The following KIAA1328 variants were observed in gnomAD, a reference collection of about 807,000 sequenced individuals.
The protein encoded by KIAA1328 is protein hinderin.
Under a neutral mutation model 68.1 loss-of-function variants are expected in KIAA1328, and 52 were observed. The observed-to-expected ratio is 0.76, with a 90% confidence interval of 0.61 to 0.96. The LOEUF is 0.96. Ranked by LOEUF, KIAA1328 falls within the 40% of genes least tolerant of loss-of-function variation. KIAA1328 has a pLI of 0.00. For synonymous variants in KIAA1328, 232 were observed against 239.4 expected (o/e 0.97, Z 0.28); for missense variants, 641 against 677.6 (o/e 0.95, Z 0.60).
chr18:37,042,175 G>C (rs1393004267), intron 6 of KIAA1328, among the ~76,000 whole-genome samples: 1 of 152,148 alleles, frequency 6.6e-6, no homozygotes. Context: ...TGGGATTGCA[G>C]GGATGAGCCA....
At chr18:36,954,975 G>A (rs1160600786) in intron 5 of KIAA1328, among the ~76,000 whole-genome samples, 1 of 152,088 alleles carries the variant, frequency 6.6e-6, no homozygotes, top group Non-Finnish European at 1.5e-5. Context: ...GGGATTACAG[G>A]TGTGACTTGG....
At chr18:37,073,528 T>C (rs530138058) in intron 7 of KIAA1328, among the ~76,000 whole-genome samples, 36 of 152,356 alleles carry the variant, frequency 2.4e-4, no homozygotes, top group Admixed American at 6.5e-5. Context: ...GTTTAGGCTT[T>C]TTTGTGTATA....
intron 7 of KIAA1328, among the ~76,000 whole-genome samples, chr18:37,090,991 A>T (rs1333949414): frequency 1.3e-5 from 2 of 152,198 alleles, no homozygotes; most frequent in African/African-American, 4.8e-5. Context: ...GAAGATGATG[A>T]ATACGAAGTA....
chr18:36,961,453 G>A (rs928336729), intron 6 of KIAA1328, among the ~76,000 whole-genome samples: 1 of 152,042 alleles, frequency 6.6e-6, no homozygotes, highest in Non-Finnish European at 1.5e-5. Context: ...TCAAATTCAG[G>A]AAATACAGAG....
intron 6 of KIAA1328, among the ~76,000 whole-genome samples, chr18:36,990,671 A>AATAT (rs149879506): frequency 3.4e-4 from 50 of 146,812 alleles, no homozygotes; most frequent in African/African-American, 6.0e-4. Context: ...ACTCCGTCTA[A>AATAT]ATATATATAT....
In KIAA1328 at chr18:36,945,796, A is replaced by G. The variant is rs777920186; in HGVS notation, c.449-13512A>G. ...ATGAGTATCTTTTTGGAAATAGAAGAGAGAGGGTGTGGTTGTTTCCTTCTC... is the reference window on the plus strand; with the variant it reads ...ATGAGTATCTTTTTGGAAATAGAAGGGAGAGGGTGTGGTTGTTTCCTTCTC... On this transcript the variant is annotated intron_variant, in intron 5 of 9. Transcript: ENST00000280020. Among the ~76,000 whole-genome samples the G allele has an allele frequency of 3.8e-4, 58 of 152,316 alleles. 1 individual carries two copies. Among genetic ancestry groups the G allele is most frequent in the Middle Eastern group, 3.4e-3 (1 of 294 alleles).
At chr18:36,966,054 G>C (rs1029467850) in intron 6 of KIAA1328, among the ~76,000 whole-genome samples, 1 of 152,044 alleles carries the variant, frequency 6.6e-6, no homozygotes, top group Non-Finnish European at 1.5e-5. Context: ...AACAAACAAA[G>C]AAAGAACAAG....
chr18:37,192,783 A>G (rs949358587), intron 9 of KIAA1328, among the ~76,000 whole-genome samples: 2 of 152,218 alleles, frequency 1.3e-5, no homozygotes, highest in Non-Finnish European at 2.9e-5. Context: ...ATCTAACATC[A>G]TAATTTCACA....
At chr18:37,055,457 T>C (rs538082329) in intron 6 of KIAA1328, among the ~76,000 whole-genome samples, 2 of 152,212 alleles carry the variant, frequency 1.3e-5, no homozygotes, top group Non-Finnish European at 2.9e-5. Flanking sequence ...GAAGGTAATC[T>C]ACCTTGATGA....
At chr18:37,130,165 T>C (rs536682019) in intron 7 of KIAA1328, among the ~76,000 whole-genome samples, 17 of 152,226 alleles carry the variant, frequency 1.1e-4, no homozygotes, top group African/African-American at 4.1e-4. Flanking sequence ...ATGTATAATA[T>C]ATAGCATAAC....
In KIAA1328 at chr18:37,150,466, A is replaced by G. The variant is rs149826559; in HGVS notation, c.1233-9734A>G. 7.0e-4 allele frequency among the ~76,000 whole-genome samples: 107 copies of G among 152,248 alleles called. No individual in the cohort carries two copies. In the Middle Eastern group the frequency reaches 0.014, roughly 19 times the overall value. On this transcript the variant is annotated intron_variant, in intron 7 of 9. Coordinates refer to ENST00000280020, the MANE Select transcript of KIAA1328 (RefSeq NM_020776.3). ...AACCACTGGACTATAGGAAGAAGGA[A>G]CTATTCTCAACTTCTTTTGTGAGGT...
In KIAA1328 at chr18:37,145,886, G is replaced by T. The variant is rs143599029; in HGVS notation, c.1233-14314G>T. ...TGTGAACAACGTGTGATTTTGTTCT[G>T]CATTTTTCTCTAGTCTGACAATCTA... On this transcript the variant is annotated intron_variant, in intron 7 of 9. Transcript: ENST00000280020. Among the ~76,000 whole-genome samples the T allele has an allele frequency of 4.4e-3, 671 of 151,918 alleles. 6 individuals are homozygous for T. The highest frequency in any genetic ancestry group is 0.015 in the African/African-American group (613 of 41,444).
In KIAA1328 at chr18:37,088,188, C is replaced by A. The variant is rs570759432; in HGVS notation, c.1232+20643C>A. Reference sequence around the variant, plus strand: ...GGCTAGTTGAGTTTCAACTGAGACACCTGCTTTCCAGCCTTCTAAAATTCT... The same window carrying A: ...GGCTAGTTGAGTTTCAACTGAGACAACTGCTTTCCAGCCTTCTAAAATTCT... On this transcript the variant is annotated intron_variant, in intron 7 of 9. Coordinates refer to ENST00000280020, the MANE Select transcript of KIAA1328 (RefSeq NM_020776.3). 3.3e-5 allele frequency among the ~76,000 whole-genome samples: 5 copies of A among 152,278 alleles called. 1 individual carries two copies. The South Asian group carries it at 1.0e-3, about 32-fold the overall frequency.
At chr18:37,048,623 C>T (rs2055571055) in intron 6 of KIAA1328, among the ~76,000 whole-genome samples, 1 of 152,044 alleles carries the variant, frequency 6.6e-6, no homozygotes, top group Non-Finnish European at 1.5e-5. Flanking sequence ...ATTCTCATTT[C>T]AAAAGCAAAA....
At chr18:37,004,270 G>A (rs1008681109) in intron 6 of KIAA1328, among the ~76,000 whole-genome samples, 3 of 151,836 alleles carry the variant, frequency 2.0e-5, no homozygotes, top group Non-Finnish European at 4.4e-5. Context: ...TTTCAGCAGT[G>A]TTTGTAATTT....
chr18:37,092,779 A>G lies in KIAA1328; in HGVS notation c.1232+25234A>G, dbSNP rs566360814. ...CACTTAGGGGCCTGAGGATTGGCCT[A>G]CCACTGCCAGTGCCAGACATGCTTC... On this transcript the variant is annotated intron_variant, in intron 7 of 9. Coordinates refer to ENST00000280020, the MANE Select transcript of KIAA1328 (RefSeq NM_020776.3). Among the ~76,000 whole-genome samples, 5 of 152,258 alleles carry G rather than the reference A, an allele frequency of 3.3e-5. No homozygotes were observed. In the South Asian group the frequency reaches 6.2e-4, roughly 19 times the overall value.
chr18:37,172,001 G>A (rs766868617), intron 8 of KIAA1328, among the ~76,000 whole-genome samples: 27 of 152,168 alleles, frequency 1.8e-4, no homozygotes, highest in East Asian at 1.9e-4. Flanking sequence ...GACGCTAATC[G>A]CTATAGCTGT....
chr18:36,989,834 A>G (rs531562177), intron 6 of KIAA1328, among the ~76,000 whole-genome samples: 5 of 152,192 alleles, frequency 3.3e-5, no homozygotes, highest in South Asian at 2.1e-4. Context: ...AGCTGGGCCT[A>G]CAGGTGCCCG....
chr18:37,169,147 T>C (rs909419977), intron 8 of KIAA1328, among the ~76,000 whole-genome samples: 1 of 150,304 alleles, frequency 6.7e-6, no homozygotes, highest in Non-Finnish European at 1.5e-5. Context: ...TTTATTTATT[T>C]ATTTATTTAT....
Sources: gnomAD v4.1 joint callset for allele counts (sites outside exome capture counted in the v4.1 genomes callset) on GRCh38, gnomAD v4.1.1 for gene constraint, MANE v1.5 for transcripts, NCBI Gene and HGNC (gene_info 2026-07-23, HGNC 2026-07-21) for gene names.